The following PI4KA variants were observed in gnomAD, a reference collection of about 807,000 sequenced individuals.
The protein encoded by PI4KA is PI4-kinase alpha.
PI4KA carries 122 observed loss-of-function variants against 271.4 expected under a neutral mutation model. The observed-to-expected ratio is 0.45, with a 90% CI of 0.39 to 0.52. PI4KA has a LOEUF of 0.52. Among genes scored for constraint, PI4KA ranks in the 20% least tolerant of loss-of-function variants. PI4KA has a pLI of 0.00. For synonymous variants in PI4KA, 1,041 were observed against 1,078.8 expected (o/e 0.96, Z 0.69); for missense variants, 1,969 against 2,769.1 (o/e 0.71, Z 6.48).
chr22:20,721,503 T>A (rs1169158230), intron 42 of PI4KA, 85 bp from the exon 43 acceptor site: 4 of 1,471,870 alleles, frequency 2.7e-6, no homozygotes, highest in Non-Finnish European at 9.5e-7. Context: ...TCCCGGCATT[T>A]GGTAGACCAG....
chr22:20,799,239 A>T lies in PI4KA; in HGVS notation c.1858T>A (p.Leu620Met), dbSNP rs1372993723. ...HLIPDHTIRALGHIAVALRDT... is the reference protein window; with the variant it reads ...HLIPDHTIRAMGHIAVALRDT... ...CTCAAGGCCACCGCAATGTGTCCCA[A>T]GGCTCGGATTGTGTGGTCGGGAATC... Residue 620 changes from leucine (L) to methionine (M), a missense_variant, in exon 16 of 55, where the codon TTG (leucine) becomes ATG (methionine). This residue lies in a region of PI4KA where 228 missense variants were observed against 261.6 expected (regional missense o/e 0.87). Coordinates refer to ENST00000255882, the MANE Select transcript of PI4KA (RefSeq NM_058004.4). 1.3e-6 allele frequency: 2 copies of T among 1,544,434 alleles called. No homozygotes were observed. Among genetic ancestry groups the T allele is most frequent in the Non-Finnish European group, 1.7e-6 (2 of 1,147,144 alleles).
At position 20,729,671 on chromosome 22, in the gene PI4KA, T is replaced by C. The variant is rs200257852; in HGVS notation, c.4449A>G (p.Lys1483=). 68 of 1,587,236 alleles carry C rather than the reference T, an allele frequency of 4.3e-5. No individual in the cohort carries two copies. The Middle Eastern group carries it at 6.6e-4, about 15-fold the overall frequency. Residue 1483 remains lysine, a synonymous_variant, in exon 38 of 55, where the codon AAA becomes AAG. Coordinates refer to ENST00000255882, the MANE Select transcript of PI4KA (RefSeq NM_058004.4). ...GCAGCGTCCTGCGCTTCATGTAGTA[T>C]TTGTGCAGCTGGGAGCCCCGGTTGG... ...KKTNRGSQLH[K]YYMKRRTLLL... is the part of the protein sequence containing the mutation.
chr22:20,728,254 A>T lies in PI4KA; in HGVS notation c.4683-390T>A, dbSNP rs535210995. Among the ~76,000 whole-genome samples the T allele has an allele frequency of 1.2e-3, 186 of 151,884 alleles. 1 individual carries two copies. Among genetic ancestry groups the T allele is most frequent in the Non-Finnish European group, 2.2e-3 (147 of 67,912 alleles). ...ATCTACTACATATGCACAGAAATTT[A>T]AAAAAAAAGTTTAAATAAAAAAATG... On this transcript the variant is annotated intron_variant, in intron 39 of 54. Coordinates refer to ENST00000255882, the MANE Select transcript of PI4KA (RefSeq NM_058004.4).
chr22:20,736,828 C>T lies in PI4KA; in HGVS notation c.3742-2275G>A, dbSNP rs1299451413. ...ATCTACAGTGAAGGGAAGGGTCACA[C>T]TGGCATCTACAGTAAAGGGAGGGAC... On this transcript the variant is annotated intron_variant, in intron 32 of 54. Transcript: ENST00000255882. 2 of 153,592 alleles carry T rather than the reference C, an allele frequency of 1.3e-5. 1 individual carries two copies. The highest frequency in any genetic ancestry group is 4.8e-5 in the African/African-American group (2 of 41,436). 9.5% of individuals were successfully genotyped at this position (153,592 alleles called of 1,614,324 possible).
chr22:20,791,347 C>T (rs1261799028), intron 19 of PI4KA, among the ~76,000 whole-genome samples: 2 of 152,220 alleles, frequency 1.3e-5, no homozygotes, highest in Admixed American at 6.5e-5. Flanking sequence ...GGGCTTCATG[C>T]CCCTTACTTT....
At chr22:20,717,311 G>A (rs1463292718) in intron 45 of PI4KA, among the ~76,000 whole-genome samples, 2 of 152,156 alleles carry the variant, frequency 1.3e-5, no homozygotes, top group Non-Finnish European at 2.9e-5. Context: ...CCATGGAGGC[G>A]GTGGGGGGGT....
At chr22:20,845,874 A>T (rs1436066747) in intron 1 of PI4KA, among the ~76,000 whole-genome samples, 1 of 151,822 alleles carries the variant, frequency 6.6e-6, no homozygotes, top group Non-Finnish European at 1.5e-5. Context: ...CCAAAAATAC[A>T]AAATAAAAAA....
chr22:20,724,231 G>A (rs939879304), intron 42 of PI4KA, among the ~76,000 whole-genome samples: 1 of 151,884 alleles, frequency 6.6e-6, no homozygotes, highest in African/African-American at 2.4e-5. Context: ...CTTGAACCTG[G>A]GAGGCAGAGG....
chr22:20,831,574 CAAACAAAAACAA>C lies in PI4KA; in HGVS notation c.367+2976_367+2987del, dbSNP rs927741986. ...TGGAGTGAGACTCTTTCTCAAAACACAAACAAAAACAAAAACAAAAACAAAAACAAAAACAAA... is the reference window on the plus strand; with the variant it reads ...TGGAGTGAGACTCTTTCTCAAAACACAAACAAAAACAAAAACAAAAACAAA... On this transcript the variant is annotated intron_variant, in intron 3 of 54. Transcript: ENST00000255882. Among the ~76,000 whole-genome samples the C allele has an allele frequency of 3.5e-3, 498 of 143,042 alleles. 1 individual carries two copies. Among genetic ancestry groups the C allele is most frequent in the Non-Finnish European group, 5.8e-3 (384 of 66,600 alleles). The allele number at this position is 143,042 out of a possible 152,430, so 93.8% of individuals were successfully genotyped here. A position where few individuals can be genotyped will look rare whatever the true frequency, so the allele number is the denominator to read the frequency against.
chr22:20,836,794 C>G (rs1237852657), intron 2 of PI4KA, among the ~76,000 whole-genome samples: 1 of 152,158 alleles, frequency 6.6e-6, no homozygotes, highest in African/African-American at 2.4e-5. Context: ...GTCCAAGGGA[C>G]AACATCACAT....
At chr22:20,849,050 C>T (rs1926630272) in intron 1 of PI4KA, among the ~76,000 whole-genome samples, 1 of 152,132 alleles carries the variant, frequency 6.6e-6, no homozygotes, top group Admixed American at 6.6e-5. Flanking sequence ...AGAAGATCTA[C>T]AAATACCCCA....
chr22:20,798,425 C>T (rs1283021620), intron 17 of PI4KA, 159 bp downstream of exon 17: 1 of 617,592 alleles, frequency 1.6e-6, no homozygotes, highest in East Asian at 2.8e-5. Flanking sequence ...AGGTGGGGGC[C>T]ACATTGGGTT....
chr22:20,838,145 T>C (rs1204547876), intron 2 of PI4KA, among the ~76,000 whole-genome samples: 2 of 151,512 alleles, frequency 1.3e-5, no homozygotes, highest in Non-Finnish European at 2.9e-5. Flanking sequence ...CAAGATACAC[T>C]GATACATACT....
chr22:20,725,708 C>A, intron 42 of PI4KA: 3 of 290,894 alleles, frequency 1.0e-5, no homozygotes, highest in East Asian at 8.7e-5. Context: ...CAGCCTGGGA[C>A]AACATAGCGA....
At chr22:20,716,725 C>G (rs531540654) in intron 45 of PI4KA, among the ~76,000 whole-genome samples, 1 of 152,196 alleles carries the variant, frequency 6.6e-6, no homozygotes, top group Non-Finnish European at 1.5e-5. Context: ...GCTTCCAGCT[C>G]TTTTTGCCCC....
chr22:20,753,175 T>C lies in PI4KA; in HGVS notation c.2797A>G (p.Met933Val), dbSNP rs142927362. 4.3e-5 allele frequency: 69 copies of C among 1,612,724 alleles called. No homozygotes were observed. In the African/African-American group the frequency reaches 8.1e-4, roughly 19 times the overall value. Residue 933 changes from methionine to valine, a missense_variant, in exon 24 of 55, where the codon ATG (methionine) becomes GTG (valine). Physicochemically the swap from Met to Val is conservative, Grantham distance 21. This residue lies in a region of PI4KA where 368 missense variants were observed against 544.3 expected (regional missense o/e 0.68). Coordinates refer to ENST00000255882, the MANE Select transcript of PI4KA (RefSeq NM_058004.4). ...TCCGCGACTGCAATCACACACTGCA[T>C]CATCCCTGAAACGAGAAGGTTTCCA... ...KAIQKDKSGM[M>V]QCVIAVADKV...
At chr22:20,845,438 T>C (rs1926110604) in intron 1 of PI4KA, among the ~76,000 whole-genome samples, 1 of 152,200 alleles carries the variant, frequency 6.6e-6, no homozygotes, top group Non-Finnish European at 1.5e-5. Context: ...CTGGGAATTG[T>C]CTTCCTGGAG....
intron 4 of PI4KA, among the ~76,000 whole-genome samples, chr22:20,822,505 C>A (rs754272574): frequency 6.6e-6 from 1 of 152,194 alleles, no homozygotes; most frequent in Non-Finnish European, 1.5e-5. Flanking sequence ...TCTGTGATTC[C>A]CAGCTTTGTG....
intron 1 of PI4KA, among the ~76,000 whole-genome samples, chr22:20,849,154 C>T (rs1433895347): frequency 6.6e-6 from 1 of 152,210 alleles, no homozygotes; most frequent in Non-Finnish European, 1.5e-5. Flanking sequence ...GATCCCACTT[C>T]ACATCCACTA....
Sources: allele counts gnomAD v4.1 joint callset (sites outside exome capture counted in the v4.1 genomes callset), GRCh38; gene constraint gnomAD v4.1.1; regional missense constraint gnomAD v4.1.1; transcripts MANE v1.5; gene names NCBI Gene and HGNC (gene_info 2026-07-23, HGNC 2026-07-21).